AMTN: variants seen among roughly 807,000 people sequenced by gnomAD.
AMTN encodes the protein RSTI689.
AMTN carries 29 observed loss-of-function variants against 27.4 expected under a neutral mutation model. The observed-to-expected ratio is 1.06, with a 90% CI of 0.79 to 1.44. The LOEUF is 1.44. Ranked by LOEUF, AMTN falls within the 40% of genes most tolerant of loss-of-function variation. The pLI, the probability that AMTN is intolerant of heterozygous loss-of-function variation, is 0.00. For synonymous variants in AMTN, 86 were observed against 95.7 expected, an observed-to-expected ratio of 0.90 and a Z score of 0.59; for missense variants, 247 against 248.8, an observed-to-expected ratio of 0.99 and a Z score of 0.05.
intron 5 of AMTN, 91 bp downstream of exon 5, chr4:70,525,052 A>C: frequency 8.1e-7 from 1 of 1,227,438 alleles, no homozygotes; most frequent in Non-Finnish European, 1.2e-6. Flanking sequence ...AAGCTTCTTG[A>C]AAATTTTGCC....
chr4:70,530,254 A>C (rs988646732), intron 7 of AMTN, among the ~76,000 whole-genome samples: 1 of 152,020 alleles, frequency 6.6e-6, no homozygotes, highest in Non-Finnish European at 1.5e-5. Context: ...CACATTCACG[A>C]AACAGCATTC....
At chr4:70,519,872 G>A (rs558976257) in intron 2 of AMTN, among the ~76,000 whole-genome samples, 2 of 151,902 alleles carry the variant, frequency 1.3e-5, no homozygotes, top group South Asian at 2.1e-4. Context: ...AGATACGGTA[G>A]CCAACCTCCT....
At position 70,518,575 on chromosome 4, in the gene AMTN, G is replaced by C; in HGVS notation, c.-95G>C. On this transcript the variant is annotated 5_prime_UTR_variant, in exon 1 of 9. Coordinates refer to ENST00000339336, the MANE Select transcript of AMTN (RefSeq NM_212557.4). ...TTCTACAAACACATACATCATTGAAGGGTAAAATTTTTCACCAGAGTAAAC... is the reference window on the plus strand; with the variant it reads ...TTCTACAAACACATACATCATTGAACGGTAAAATTTTTCACCAGAGTAAAC... 1 of 546,724 alleles carries C rather than the reference G, an allele frequency of 1.8e-6. No individual in the cohort carries two copies. The highest frequency in any genetic ancestry group is 2.3e-5 in the South Asian group (1 of 44,124). The allele number at this position is 546,724 out of a possible 1,614,324, so 33.9% of individuals were successfully genotyped here. A position where few individuals can be genotyped will look rare whatever the true frequency, so the allele number is the denominator to read the frequency against.
At chr4:70,530,964 A>G in intron 7 of AMTN, 75 bp from the exon 8 acceptor site, 3 of 1,549,720 alleles carry the variant, frequency 1.9e-6, no homozygotes, top group Non-Finnish European at 2.6e-6. Context: ...TTCCTACCCA[A>G]ACTTGCTCCC....
chr4:70,527,549 T>A (rs1736126129), intron 5 of AMTN, among the ~76,000 whole-genome samples: 1 of 152,210 alleles, frequency 6.6e-6, no homozygotes, highest in Non-Finnish European at 1.5e-5. Context: ...TAAGGCTTTT[T>A]AATAAATGTA....
chr4:70,523,153 C>T (rs1031063111), intron 3 of AMTN, among the ~76,000 whole-genome samples: 1 of 152,128 alleles, frequency 6.6e-6, no homozygotes, highest in Admixed American at 6.5e-5. Context: ...AAAGCTTGGT[C>T]ATCTATGGAC....
chr4:70,521,640 C>CTCTTTTTTTTTTTTTTTT (rs1560572110), intron 2 of AMTN, among the ~76,000 whole-genome samples: 1 of 76,468 alleles, frequency 1.3e-5, no homozygotes, highest in African/African-American at 5.9e-5. Flanking sequence ...ACCAACCTCT[C>CTCTTTTTTTTTTTTTTTT]TTTTTTTTTT....
rs779102991 is a variant in AMTN at position 70,531,085 on chromosome 4, G to T, written c.404G>T (p.Gly135Val). ...ATCATCCATTCCTTGTTCCCGGGAG[G>T]CATCCTGCCCACCAGTCAGGCAGGG... ...SLIIHSLFPGGILPTSQAGAN... is the reference protein window; with the variant it reads ...SLIIHSLFPGVILPTSQAGAN... Residue 135 changes from glycine (G) to valine (V), a missense_variant, in exon 8 of 9, where the codon GGC becomes GTC. By Grantham distance (109) the Gly-to-Val change is moderately radical (BLOSUM62 -3). Coordinates refer to ENST00000339336, the MANE Select transcript of AMTN (RefSeq NM_212557.4). The T allele has an allele frequency of 6.8e-6, 11 of 1,614,032 alleles. No individual in the cohort carries two copies. In the South Asian group the frequency reaches 1.2e-4, roughly 18 times the overall value.
At chr4:70,522,912 AACACGTTAAG>A in intron 3 of AMTN, 74 bp downstream of exon 3, 1 of 1,440,906 alleles carries the variant, frequency 6.9e-7, no homozygotes, top group Non-Finnish European at 9.8e-7. Context: ...CGGTAAAGAA[AACACGTTAAG>A]ACTGGTAGGT....
At chr4:70,529,080 T>C in intron 6 of AMTN, 104 bp from the exon 7 acceptor site, 1 of 1,093,242 alleles carries the variant, frequency 9.1e-7, no homozygotes, top group Non-Finnish European at 1.3e-6. Flanking sequence ...GCAAAATCTG[T>C]ATAATCTTTG....
intron 3 of AMTN, 50 bp downstream of exon 3, chr4:70,522,888 G>A: frequency 1.9e-6 from 3 of 1,558,886 alleles, no homozygotes; most frequent in Middle Eastern, 3.4e-4. Flanking sequence ...AGAAAATACG[G>A]AACATGTACA....
chr4:70,521,256 G>A (rs752247495), intron 2 of AMTN, among the ~76,000 whole-genome samples: 6 of 151,740 alleles, frequency 4.0e-5, no homozygotes, highest in African/African-American at 7.3e-5. Flanking sequence ...GGTGTGCACC[G>A]GTAATCCCAG....
chr4:70,528,236 A>G lies in AMTN; in HGVS notation c.295-487A>G, dbSNP rs1199247816. ...CTGGTTTCTAAATCTCTTGGGACTA[A>G]TATTCTTTTTACAAATTGGAAAAGT... is the stretch of plus-strand genomic sequence containing the variant. On this transcript the variant is annotated intron_variant, in intron 5 of 8. Transcript: ENST00000339336. Among the ~76,000 whole-genome samples the G allele has an allele frequency of 2.0e-5, 3 of 152,174 alleles. No homozygotes were observed. In the East Asian group the frequency reaches 5.8e-4, roughly 29 times the overall value.
chr4:70,521,723 G>A, intron 2 of AMTN, among the ~76,000 whole-genome samples: 1 of 121,210 alleles, frequency 8.3e-6, no homozygotes, highest in Admixed American at 1.0e-4. Flanking sequence ...GGGTTCAAGT[G>A]ATTCTCCTTC....
At chr4:70,523,229 A>G (rs976110354) in intron 3 of AMTN, among the ~76,000 whole-genome samples, 6 of 152,266 alleles carry the variant, frequency 3.9e-5, no homozygotes, top group African/African-American at 4.8e-5. Flanking sequence ...GAGATGATCT[A>G]TAAAAAATAA....
rs1445259193 is a variant in AMTN, at chr4:70,532,566, G to T, written c.*101G>T. ...GGAATAGATTGAGACACATTGGATA[G>T]TCTTAGAAGAAATTAATTCTTAATT... On this transcript the variant is annotated 3_prime_UTR_variant, in exon 9 of 9. Transcript: ENST00000339336. The T allele has an allele frequency of 9.6e-7, 1 of 1,046,372 alleles. No individual in the cohort carries two copies. Among genetic ancestry groups the T allele is most frequent in the Admixed American group, 2.5e-5 (1 of 40,288 alleles). 64.8% of individuals were successfully genotyped at this position (1,046,372 alleles called of 1,614,324 possible). A position where few individuals can be genotyped will look rare whatever the true frequency, so the allele number is the denominator to read the frequency against.
intron 3 of AMTN, 57 bp from the exon 4 acceptor site, chr4:70,523,811 C>A: frequency 6.9e-7 from 1 of 1,451,032 alleles, no homozygotes; most frequent in Non-Finnish European, 9.7e-7. Context: ...CCACCACTGA[C>A]AGAGTAAGGG....
At position 70,518,821 on chromosome 4, in the gene AMTN, G is replaced by T; in HGVS notation, c.44G>T (p.Arg15Leu). Residue 15 changes from arginine to leucine, a missense_variant, in exon 2 of 9, where the codon CGG (arginine) becomes CTG (leucine). Arg to Leu is a moderately radical substitution (Grantham distance 102). Transcript: ENST00000339336. Reference protein sequence around the residue: ...ILLFCLLGSTRSLPQLKPALG... With the variant: ...ILLFCLLGSTLSLPQLKPALG... ...CTGTTTTGTCTTCTAGGATCAACTCGGTCATTACCAGTAAGTATGTTATGT... is the reference window on the plus strand; with the variant it reads ...CTGTTTTGTCTTCTAGGATCAACTCTGTCATTACCAGTAAGTATGTTATGT... 2 of 1,609,142 alleles carry T rather than the reference G, an allele frequency of 1.2e-6. No individual in the cohort carries two copies. Among genetic ancestry groups the T allele is most frequent in the South Asian group, 1.1e-5 (1 of 90,954 alleles).
intron 2 of AMTN, among the ~76,000 whole-genome samples, chr4:70,519,486 A>C (rs1735901555): frequency 6.7e-6 from 1 of 148,458 alleles, no homozygotes; most frequent in African/African-American, 2.5e-5. Context: ...AAAAAATTAC[A>C]ATATACTTGC....
Sources: allele counts gnomAD v4.1 joint callset (sites outside exome capture counted in the v4.1 genomes callset), GRCh38; gene constraint gnomAD v4.1.1; transcripts MANE v1.5; gene names NCBI Gene and HGNC (gene_info 2026-07-23, HGNC 2026-07-21).